Variants in SUN5 observed in about 807,000 individuals in gnomAD.
The protein encoded by SUN5 is SUN domain-containing protein 5.
Under a neutral mutation model 53.7 loss-of-function variants are expected in SUN5, and 44 were observed. The ratio of observed to expected loss-of-function variants is 0.82; its 90% CI spans 0.64 to 1.05. The LOEUF is 1.05. Ranked by LOEUF, SUN5 falls within the 50% of genes least tolerant of loss-of-function variation. The pLI is 0.00. For synonymous variants in SUN5, 166 were observed against 179.8 expected, an observed-to-expected ratio of 0.92 and a Z score of 0.62; for missense variants, 433 against 483.8, an observed-to-expected ratio of 0.90 and a Z score of 0.98.
chr20:32,997,484 G>GGGT (rs1354660404), intron 6 of SUN5, among the ~76,000 whole-genome samples, 154 bp downstream of exon 6: 1 of 152,128 alleles, frequency 6.6e-6, no homozygotes, highest in East Asian at 1.9e-4. Flanking sequence ...GGTTCTAGGT[G>GGGT]GATGGTACGA....
chr20:33,004,249 G>A lies in SUN5; in HGVS notation c.77+15C>T. The A allele has an allele frequency of 6.4e-7, 1 of 1,553,564 alleles. No individual in the cohort carries two copies. The highest frequency in any genetic ancestry group is 8.7e-7 in the Non-Finnish European group (1 of 1,148,568). ...CTGTAAAGGGCTGGGCAAAGGGAGG[G>A]GCTGCCATCCTCACCTCCGGGGTCT... is the stretch of plus-strand genomic sequence containing the variant. On this transcript the variant is annotated intron_variant, in intron 1 of 12. Coordinates refer to ENST00000356173, the MANE Select transcript of SUN5 (RefSeq NM_080675.4).
chr20:32,985,938 G>A (rs1989527375), intron 10 of SUN5, 35 bp from the exon 11 acceptor site: 3 of 1,597,364 alleles, frequency 1.9e-6, no homozygotes, highest in Admixed American at 1.7e-5. Flanking sequence ...GATATGCTGG[G>A]TGGGTAGGGG....
intron 8 of SUN5, among the ~76,000 whole-genome samples, chr20:32,990,686 A>G (rs1568964925): frequency 6.6e-6 from 1 of 152,232 alleles, no homozygotes; most frequent in Non-Finnish European, 1.5e-5. Flanking sequence ...ACTGAGTCCC[A>G]GTTGATAGCC....
At chr20:32,984,263 A>G (rs549014589) in intron 12 of SUN5, among the ~76,000 whole-genome samples, 1 of 152,246 alleles carries the variant, frequency 6.6e-6, no homozygotes, top group East Asian at 1.9e-4. Flanking sequence ...TAAGATGGGA[A>G]TGGTAATATC....
chr20:32,985,027 G>C, intron 12 of SUN5, 72 bp downstream of exon 12: 1 of 1,500,152 alleles, frequency 6.7e-7, no homozygotes, highest in Non-Finnish European at 9.2e-7. Context: ...GGGATGAAGA[G>C]GGGGTCCCTG....
chr20:33,002,524 G>A (rs1253086087), intron 3 of SUN5, 63 bp downstream of exon 3: 42 of 1,567,398 alleles, frequency 2.7e-5, no homozygotes, highest in Admixed American at 3.3e-5. Flanking sequence ...AGCCTGGGCC[G>A]AGGCTGGACC....
intron 6 of SUN5, 146 bp downstream of exon 6, chr20:32,997,492 C>T (rs957983867): frequency 8.0e-6 from 6 of 753,946 alleles, no homozygotes; most frequent in Admixed American, 2.8e-5. Flanking sequence ...GTGGATGGTA[C>T]GATGAAGGGT....
At chr20:32,996,499 A>G in intron 6 of SUN5, 141 bp from the exon 7 acceptor site, 1 of 638,552 alleles carries the variant, frequency 1.6e-6, no homozygotes, top group Non-Finnish European at 2.6e-6. Flanking sequence ...CCGTCTACCC[A>G]CCTATCATTT....
intron 7 of SUN5, 45 bp from the exon 8 acceptor site, chr20:32,995,772 CGTT>C (rs1568967527): frequency 2.6e-6 from 4 of 1,548,842 alleles, no homozygotes; most frequent in South Asian, 2.2e-5. Context: ...ATTTGTGATG[CGTT>C]GTTGTTACCC....
At chr20:33,003,094 CATCAAGGAAAAG>C (rs1990096818) in intron 1 of SUN5, among the ~76,000 whole-genome samples, 175 bp from the exon 2 acceptor site, 1 of 152,190 alleles carries the variant, frequency 6.6e-6, no homozygotes, top group Non-Finnish European at 1.5e-5. Context: ...TCCAGGTATC[CATCAAGGAAAAG>C]ACCCAGGTTG....
At chr20:32,991,333 A>G (rs1989707366) in intron 8 of SUN5, among the ~76,000 whole-genome samples, 1 of 152,168 alleles carries the variant, frequency 6.6e-6, no homozygotes, top group African/African-American at 2.4e-5. Flanking sequence ...TGCAACACAC[A>G]TTTAGGGAGC....
chr20:32,995,790 A>AT (rs1989832630), intron 7 of SUN5, 63 bp from the exon 8 acceptor site: 5 of 1,491,602 alleles, frequency 3.4e-6, no homozygotes, highest in Non-Finnish European at 3.7e-6. Flanking sequence ...TTACCCTCAG[A>AT]TTTTCCCTTT....
intron 6 of SUN5, 73 bp from the exon 7 acceptor site, chr20:32,996,431 C>T (rs1989849782): frequency 7.3e-7 from 1 of 1,368,462 alleles, no homozygotes; most frequent in South Asian, 1.3e-5. Context: ...CTTCATCCAT[C>T]TATTCTCCCA....
chr20:32,995,725 A>G lies in SUN5; in HGVS notation c.428T>C (p.Leu143Ser). 1.2e-6 allele frequency: 2 copies of G among 1,613,160 alleles called. No individual in the cohort carries two copies. The highest frequency in any genetic ancestry group is 1.7e-6 in the Non-Finnish European group (2 of 1,179,130). Residue 143 changes from leucine (L) to serine (S), a missense_variant and splice_region_variant, in exon 8 of 13, where the codon TTG (leucine) becomes TCG (serine). Transcript: ENST00000356173. The part of the protein sequence containing the change: ...SINGPLQSLR[L>S]YQEKVRHHSG... ...GTGATGTCGCACCTTCTCCTGGTAC[A>G]ACCTTATCAGGAAGGAGTGATAACA...
At position 32,985,898 on chromosome 20, in the gene SUN5, G is replaced by T; in HGVS notation, c.735C>A (p.Asn245Lys). 6.2e-7 allele frequency: 1 copy of T among 1,613,720 alleles called. No individual in the cohort carries two copies. Among genetic ancestry groups the T allele is most frequent in the Non-Finnish European group, 8.5e-7 (1 of 1,179,742 alleles). The change falls in exon 11 of 13, where the codon AAC becomes AAA. Residue 245 changes from asparagine (N) to lysine (K), a missense_variant. Asn to Lys is a moderately conservative substitution (Grantham distance 94). Transcript: ENST00000356173. Reference protein sequence around the residue: ...AQPPDVILEPNVTPGNCWAFE... With the variant: ...AQPPDVILEPKVTPGNCWAFE... ...AGGCCCAGCAATTGCCAGGTGTCAC[G>T]TTGGGCTAGAAGAGGCAAGTACAAT...
rs77054279 is a variant in SUN5, at chr20:33,003,524, T to A, written c.78-605A>T. On this transcript the variant is annotated intron_variant, in intron 1 of 12. Coordinates refer to ENST00000356173, the MANE Select transcript of SUN5 (RefSeq NM_080675.4). ...GGTCTTGGGTGGCAGAACTGAGGAA[T>A]TAACACACTCCGGAGCCCCCTGCAC... 1.8e-3 allele frequency among the ~76,000 whole-genome samples: 272 copies of A among 152,212 alleles called. 1 individual carries two copies. Among genetic ancestry groups the A allele is most frequent in the African/African-American group, 6.5e-3 (268 of 41,512 alleles).
intron 10 of SUN5, among the ~76,000 whole-genome samples, chr20:32,987,224 G>A (rs867398467): frequency 2.0e-5 from 3 of 152,200 alleles, no homozygotes. Context: ...CTAGTGACCA[G>A]CTCTGTGGCC....
intron 8 of SUN5, among the ~76,000 whole-genome samples, chr20:32,991,120 A>G (rs1232654581): frequency 2.6e-5 from 4 of 152,298 alleles, no homozygotes; most frequent in Admixed American, 6.5e-5. Flanking sequence ...GCCAACCCTA[A>G]GGAATTTCCC....
At chr20:32,998,746 T>A (rs1355859221) in intron 5 of SUN5, among the ~76,000 whole-genome samples, 2 of 151,912 alleles carry the variant, frequency 1.3e-5, no homozygotes, top group Non-Finnish European at 2.9e-5. Context: ...AGGCCAGGCG[T>A]GGTGTCTCAC....
Sources: allele counts gnomAD v4.1 joint callset (sites outside exome capture counted in the v4.1 genomes callset), GRCh38; gene constraint gnomAD v4.1.1; transcripts MANE v1.5; gene names NCBI Gene and HGNC (gene_info 2026-07-23, HGNC 2026-07-21).